The following SRGAP2 variants were observed in gnomAD, a reference collection of about 807,000 sequenced individuals.
SRGAP2 encodes the protein SLIT-ROBO Rho GTPase activating protein 2, also known as SLIT-ROBO Rho GTPase-activating protein 2.
Under a neutral mutation model 57.2 loss-of-function variants are expected in SRGAP2, and 15 were observed. The observed-to-expected ratio is 0.26, with a 90% CI of 0.18 to 0.40. The LOEUF (loss-of-function observed/expected upper bound fraction) is 0.40. Among genes scored for constraint, SRGAP2 ranks in the 10% least tolerant of loss-of-function variants. The pLI, the probability that SRGAP2 is intolerant of heterozygous loss-of-function variation, is 1.00. For missense variants in SRGAP2, 520 were observed against 669.6 expected (o/e 0.78, Z 2.47); for synonymous variants, 249 against 248.0 (o/e 1.00, Z -0.04).
chr1:206,326,746 G>A (rs1465259726), intron 3 of SRGAP2, among the ~76,000 whole-genome samples: 1 of 152,118 alleles, frequency 6.6e-6, no homozygotes, highest in African/African-American at 2.4e-5. Context: ...TTCTATTTTT[G>A]TACACTCTGG....
At chr1:206,371,508 A>T (rs1317081602) in intron 4 of SRGAP2, among the ~76,000 whole-genome samples, 6 of 149,828 alleles carry the variant, frequency 4.0e-5, no homozygotes, top group Non-Finnish European at 7.4e-5. Flanking sequence ...AGACGGGCAG[A>T]TCACGAGGTC....
At chr1:206,312,405 C>T (rs1278550538) in intron 3 of SRGAP2, among the ~76,000 whole-genome samples, 5 of 152,154 alleles carry the variant, frequency 3.3e-5, no homozygotes, top group Admixed American at 6.5e-5. Context: ...TGCTGAACTG[C>T]GTTCTTCATC....
chr1:206,445,106 C>T (rs1662640877), intron 17 of SRGAP2, among the ~76,000 whole-genome samples: 4 of 152,248 alleles, frequency 2.6e-5, no homozygotes, highest in Admixed American at 2.6e-4. Flanking sequence ...AACAGAGGAC[C>T]TTTGGTTCCT....
chr1:206,356,458 T>C (rs1676444426), intron 4 of SRGAP2, among the ~76,000 whole-genome samples: 1 of 151,316 alleles, frequency 6.6e-6, no homozygotes, highest in Non-Finnish European at 1.5e-5. Flanking sequence ...GTCATATTGG[T>C]AAGCTAAAGA....
chr1:206,416,876 T>C (rs782037584), intron 11 of SRGAP2, among the ~76,000 whole-genome samples: 6 of 151,940 alleles, frequency 3.9e-5, no homozygotes, highest in Non-Finnish European at 8.8e-5. Flanking sequence ...AAGCCTGTAC[T>C]TACACAGAGA....
At chr1:206,257,642 G>A (rs1167893648) in intron 2 of SRGAP2, among the ~76,000 whole-genome samples, 2 of 137,306 alleles carry the variant, frequency 1.5e-5, no homozygotes, top group East Asian at 4.8e-4. Context: ...CCAGGTGCTG[G>A]GAACCTAGGG....
chr1:206,398,223 G>A (rs573477090), intron 7 of SRGAP2, among the ~76,000 whole-genome samples: 4 of 152,316 alleles, frequency 2.6e-5, no homozygotes, highest in Admixed American at 2.0e-4. Context: ...TACTTACTGG[G>A]ATTCTTCTTG....
At chr1:206,262,990 G>A (rs1407257765) in intron 2 of SRGAP2, among the ~76,000 whole-genome samples, 323 of 138,950 alleles carry the variant, frequency 2.3e-3, no homozygotes, top group Non-Finnish European at 2.8e-3. Context: ...AATACAGAGC[G>A]TACCTGAATC....
rs2103403558 is a variant in SRGAP2 at position 206,454,735 on chromosome 1, A to C, written c.2361-143A>C. 1.7e-6 allele frequency: 1 copy of C among 603,800 alleles called. No individual in the cohort carries two copies. The highest frequency in any genetic ancestry group is 3.0e-5 in the Admixed American group (1 of 33,552). 37.4% of individuals were successfully genotyped at this position (603,800 alleles called of 1,614,324 possible). A position where few individuals can be genotyped will look rare whatever the true frequency, so the allele number is the denominator to read the frequency against. On this transcript the variant is annotated intron_variant, in intron 20 of 22. Transcript: ENST00000573034. The surrounding 1 kb of genome is among the most constrained non-coding windows in gnomAD (Gnocchi z 4.3). The stretch of plus-strand genomic sequence containing the variant: ...TAGGTTTCCTTGCCTCTGCTCACAG[A>C]ACTAGTCCAGCCAGGTGTCGCTGCT...
rs1410640546 is a variant in SRGAP2 at position 206,454,793 on chromosome 1, G to A, written c.2361-85G>A. ...AGCTGTGTGGGGTCGCGTGTATGTC[G>A]GGGGGCCATCTTGCCGATTTAACGC... On this transcript the variant is annotated intron_variant, in intron 20 of 22. Coordinates refer to ENST00000573034, the MANE Select transcript of SRGAP2 (RefSeq NM_015326.5). The surrounding 1 kb of genome is among the most constrained non-coding windows in gnomAD (Gnocchi z 4.3). The A allele has an allele frequency of 3.6e-5, 24 of 663,168 alleles. No homozygotes were observed. The highest frequency in any genetic ancestry group is 4.4e-5 in the Non-Finnish European group (16 of 364,644). 41.1% of individuals were successfully genotyped at this position (663,168 alleles called of 1,614,324 possible).
chr1:206,440,331 G>A (rs1553371593), intron 17 of SRGAP2, among the ~76,000 whole-genome samples: 2 of 152,008 alleles, frequency 1.3e-5, no homozygotes, highest in Admixed American at 1.3e-4. Context: ...GTGCTTAGAA[G>A]AAAAATAAAA....
intron 21 of SRGAP2, among the ~76,000 whole-genome samples, chr1:206,457,384 C>G (rs1346513752): frequency 6.6e-6 from 1 of 152,178 alleles, no homozygotes; most frequent in African/African-American, 2.4e-5. Flanking sequence ...AGGTAACTGA[C>G]AGGTAGCATC....
chr1:206,461,286 G>A lies in SRGAP2; in HGVS notation c.3082G>A (p.Val1028Ile), dbSNP rs540297531. Residue 1028 changes from valine (V) to isoleucine (I), a missense_variant, in exon 23 of 23, where the codon GTC becomes ATC. Val to Ile is a conservative substitution (Grantham distance 29, BLOSUM62 3). Transcript: ENST00000573034. The part of the protein sequence containing the change: ...IACAFRPVKS[V>I]KMAAPVKPPA... ...CTGCGCCTTCCGGCCTGTCAAGTCTGTCAAGATGGCTGCCCCGGTCAAACC... is the reference window on the plus strand; with the variant it reads ...CTGCGCCTTCCGGCCTGTCAAGTCTATCAAGATGGCTGCCCCGGTCAAACC... 2.6e-6 allele frequency: 2 copies of A among 780,946 alleles called. No individual in the cohort carries two copies. Among genetic ancestry groups the A allele is most frequent in the Non-Finnish European group, 4.8e-6 (2 of 418,004 alleles). The allele number at this position is 780,946 out of a possible 1,614,324, so 48.4% of individuals were successfully genotyped here.
chr1:206,220,943 G>A (rs1487063606), intron 2 of SRGAP2, among the ~76,000 whole-genome samples: 4 of 137,120 alleles, frequency 2.9e-5, no homozygotes, highest in Non-Finnish European at 6.2e-5. Flanking sequence ...ACTGTATGTT[G>A]TCTTTTTTTT....
At chr1:206,431,150 A>G (rs1360083146) in intron 14 of SRGAP2, among the ~76,000 whole-genome samples, 3 of 152,144 alleles carry the variant, frequency 2.0e-5, no homozygotes, top group African/African-American at 7.2e-5. Flanking sequence ...TGGAATAGTA[A>G]TTATTATAGC....
Position 206,453,214 on chromosome 1 carries a change from G to A in SRGAP2, c.2194G>A (p.Glu732Lys), listed in dbSNP as rs1553376715. The change falls in exon 20 of 23, where the codon GAG becomes AAG. Residue 732 changes from glutamate to lysine, a missense_variant. By Grantham distance (56) the Glu-to-Lys change is moderately conservative. Coordinates refer to ENST00000573034, the MANE Select transcript of SRGAP2 (RefSeq NM_015326.5). ...ACCCTTCTCAGAATGTGAGCCCATC[G>A]AGGCCATTGCCAAGTTTGACTACGT... ...HTSDDECEPI[E>K]AIAKFDYVGR... 4 of 565,138 alleles carry A rather than the reference G, an allele frequency of 7.1e-6. No individual in the cohort carries two copies. The highest frequency in any genetic ancestry group is 3.2e-5 in the East Asian group (1 of 31,396). 35.0% of individuals were successfully genotyped at this position (565,138 alleles called of 1,614,324 possible).
At chr1:206,366,130 T>C (rs1221028975) in intron 4 of SRGAP2, among the ~76,000 whole-genome samples, 3 of 152,176 alleles carry the variant, frequency 2.0e-5, no homozygotes, top group Non-Finnish European at 4.4e-5. Flanking sequence ...ATATTTAGGG[T>C]TAACTAAAAA....
chr1:206,260,528 G>C (rs1351485345), intron 2 of SRGAP2, among the ~76,000 whole-genome samples: 1 of 151,916 alleles, frequency 6.6e-6, no homozygotes, highest in Non-Finnish European at 1.5e-5. Context: ...TAAATAAAAG[G>C]AGATATGAAC....
chr1:206,450,650 C>G (rs1013778224), intron 19 of SRGAP2, among the ~76,000 whole-genome samples, 185 bp downstream of exon 19: 1 of 152,178 alleles, frequency 6.6e-6, no homozygotes, highest in South Asian at 2.1e-4. Context: ...CAAATAGAAT[C>G]GCTCGTATTA....
Sources: gnomAD v4.1 joint callset for allele counts (sites outside exome capture counted in the v4.1 genomes callset) on GRCh38, gnomAD v4.1.1 for gene constraint, Gnocchi (gnomAD v3.1) non-coding constraint, MANE v1.5 for transcripts, NCBI Gene and HGNC (gene_info 2026-07-23, HGNC 2026-07-21) for gene names.